Variants in PDS5A observed in about 807,000 individuals in gnomAD.
PDS5A encodes the protein sister chromatid cohesion protein PDS5 homolog A.
Under a neutral mutation model 167.1 loss-of-function variants are expected in PDS5A, and 42 were observed. The ratio of observed to expected loss-of-function variants is 0.25; its 90% CI spans 0.20 to 0.33. The LOEUF is 0.33. PDS5A is among the 10% of genes least tolerant of loss of function. The pLI, the probability that PDS5A is intolerant of heterozygous loss-of-function variation, is 1.00. For missense variants in PDS5A, 1,033 were observed against 1,605.9 expected (o/e 0.64, Z 6.10); for synonymous variants, 553 against 554.6 (o/e 1.00, Z 0.04).
At position 39,869,385 on chromosome 4, in the gene PDS5A, C is replaced by G. The variant is rs758652116; in HGVS notation, c.2505+9G>C. ...AACATGAAGATTATCAAGGCCTAAA[C>G]AAATTTACCTTTGCTAGTACTTCAG... On this transcript the variant is annotated intron_variant, in intron 22 of 32. Coordinates refer to ENST00000303538, the MANE Select transcript of PDS5A (RefSeq NM_001100399.2). 2.7e-5 allele frequency: 42 copies of G among 1,548,168 alleles called. No individual in the cohort carries two copies. Among genetic ancestry groups the G allele is most frequent in the Non-Finnish European group, 3.7e-5 (41 of 1,121,398 alleles).
chr4:39,937,605 G>C (rs909484657), intron 2 of PDS5A, among the ~76,000 whole-genome samples: 1 of 152,090 alleles, frequency 6.6e-6, no homozygotes, highest in East Asian at 1.9e-4. Flanking sequence ...TATTGGTAGA[G>C]ATGGGGTCTT....
intron 7 of PDS5A, among the ~76,000 whole-genome samples, chr4:39,918,148 C>G (rs1268687246): frequency 6.8e-6 from 1 of 147,372 alleles, no homozygotes; most frequent in Admixed American, 6.8e-5. Flanking sequence ...CCATTGCACT[C>G]CTCCTGCATG....
intron 11 of PDS5A, among the ~76,000 whole-genome samples, chr4:39,904,726 G>A (rs766987176): frequency 7.9e-5 from 12 of 152,268 alleles, no homozygotes; most frequent in Non-Finnish European, 1.5e-4. Flanking sequence ...ATGGGGTTTC[G>A]TTACGTTGCC....
chr4:39,914,991 A>G (rs1724226712), intron 8 of PDS5A, among the ~76,000 whole-genome samples: 1 of 152,194 alleles, frequency 6.6e-6, no homozygotes, highest in Admixed American at 6.5e-5. Flanking sequence ...CAATGTAAAA[A>G]TGAAAATTAC....
At chr4:39,863,769 AGGAAAAACTCTT>A (rs1719195015) in intron 23 of PDS5A, among the ~76,000 whole-genome samples, 1 of 152,186 alleles carries the variant, frequency 6.6e-6, no homozygotes, top group Non-Finnish European at 1.5e-5. Flanking sequence ...TTGCAAGGCT[AGGAAAAACTCTT>A]TACATCAGGA....
chr4:39,874,192 T>C, intron 20 of PDS5A, 97 bp downstream of exon 20: 8 of 1,003,844 alleles, frequency 8.0e-6, no homozygotes, highest in Non-Finnish European at 1.0e-5. Context: ...TAGGACTTCA[T>C]ATAAACAGCT....
chr4:39,947,243 C>G (rs1034317576), intron 2 of PDS5A, among the ~76,000 whole-genome samples: 1 of 152,146 alleles, frequency 6.6e-6, no homozygotes, highest in African/African-American at 2.4e-5. Flanking sequence ...CACTTGAGGT[C>G]AAGAGCTCAA....
At chr4:39,879,242 C>T (rs1384561378) in intron 18 of PDS5A, among the ~76,000 whole-genome samples, 1 of 152,074 alleles carries the variant, frequency 6.6e-6, no homozygotes, top group East Asian at 1.9e-4. Flanking sequence ...GTTAAAAGCC[C>T]GTGACACTAC....
At chr4:39,864,266 C>T (rs1185671552) in intron 23 of PDS5A, among the ~76,000 whole-genome samples, 1 of 151,766 alleles carries the variant, frequency 6.6e-6, no homozygotes, top group Non-Finnish European at 1.5e-5. Context: ...TAGTTTAATG[C>T]CTGCTGAAAT....
At chr4:39,947,745 T>C (rs1177579476) in intron 2 of PDS5A, among the ~76,000 whole-genome samples, 1 of 152,158 alleles carries the variant, frequency 6.6e-6, no homozygotes. Flanking sequence ...AGCTTGTTTA[T>C]AAGAACCCAC....
intron 2 of PDS5A, among the ~76,000 whole-genome samples, chr4:39,956,970 G>C (rs1299854624): frequency 6.6e-6 from 1 of 152,154 alleles, no homozygotes; most frequent in Non-Finnish European, 1.5e-5. Context: ...ACCTCACCCA[G>C]CCAAAAGACA....
intron 18 of PDS5A, among the ~76,000 whole-genome samples, chr4:39,877,883 T>C (rs1046288044): frequency 1.3e-5 from 2 of 152,114 alleles, no homozygotes; most frequent in South Asian, 4.1e-4. Flanking sequence ...GCGTAAACCA[T>C]TGTACCCAGC....
intron 2 of PDS5A, among the ~76,000 whole-genome samples, chr4:39,949,342 C>A (rs560234651): frequency 6.9e-6 from 1 of 145,496 alleles, no homozygotes; most frequent in Non-Finnish European, 1.5e-5. Context: ...TATGACTGGG[C>A]GAAATGTTAT....
At position 39,901,490 on chromosome 4, in the gene PDS5A, G is replaced by A. The variant is rs140620626; in HGVS notation, c.1499+857C>T. 5.8e-3 allele frequency among the ~76,000 whole-genome samples: 879 copies of A among 152,010 alleles called. 9 individuals carry two copies. The highest frequency in any genetic ancestry group is 0.019 in the African/African-American group (807 of 41,448). On this transcript the variant is annotated intron_variant, in intron 13 of 32. Coordinates refer to ENST00000303538, the MANE Select transcript of PDS5A (RefSeq NM_001100399.2). ...TCACCATGTTGGCCAGGCTGGTCTC[G>A]AACTCCTAACCTCAAATTATCTGCC...
At chr4:39,942,094 CAA>C (rs1055562139) in intron 2 of PDS5A, among the ~76,000 whole-genome samples, 3 of 152,122 alleles carry the variant, frequency 2.0e-5, no homozygotes, top group African/African-American at 7.2e-5. Context: ...TATCCCAACT[CAA>C]AGAGTGATTT....
chr4:39,973,183 G>T, intron 2 of PDS5A: 2 of 985,550 alleles, frequency 2.0e-6, no homozygotes, highest in Non-Finnish European at 3.2e-6. Context: ...AGCCTCTTTA[G>T]CTTGGTGGGC....
At chr4:39,839,502 G>A (rs915359558) in intron 31 of PDS5A, among the ~76,000 whole-genome samples, 6 of 152,022 alleles carry the variant, frequency 3.9e-5, no homozygotes, top group African/African-American at 1.4e-4. Flanking sequence ...CCAGGAGGCG[G>A]AGGTTGCAGT....
intron 32 of PDS5A, among the ~76,000 whole-genome samples, chr4:39,833,697 T>C (rs984856061): frequency 5.9e-5 from 9 of 152,070 alleles, no homozygotes; most frequent in Admixed American, 1.3e-4. Flanking sequence ...GCTGGATAAA[T>C]TGTTTCAGGA....
intron 16 of PDS5A, among the ~76,000 whole-genome samples, chr4:39,892,917 G>A (rs1211284621): frequency 6.6e-6 from 1 of 152,232 alleles, no homozygotes; most frequent in East Asian, 1.9e-4. Context: ...CCTGTAGGCA[G>A]TGCAGGGGGG....
Sources: allele counts gnomAD v4.1 joint callset (sites outside exome capture counted in the v4.1 genomes callset), GRCh38; gene constraint gnomAD v4.1.1; transcripts MANE v1.5; gene names NCBI Gene and HGNC (gene_info 2026-07-23, HGNC 2026-07-21).